Variants in MTBP observed in about 807,000 individuals in gnomAD.
The protein encoded by MTBP is MDM2 binding protein, also known as mdm2-binding protein.
A neutral mutation model predicts 117.0 loss-of-function variants in MTBP; 101 were observed. The ratio of observed to expected loss-of-function variants is 0.86; its 90% CI spans 0.73 to 1.02. MTBP has a LOEUF of 1.02. Among genes scored for constraint, MTBP ranks in the 50% least tolerant of loss-of-function variants. MTBP has a pLI of 0.00. For synonymous variants in MTBP, 350 were observed against 351.5 expected (o/e 1.00, Z 0.05); for missense variants, 970 against 1,030.9 (o/e 0.94, Z 0.81).
At chr8:120,509,891 A>G (rs1814764844) in intron 16 of MTBP, 43 bp from the exon 17 acceptor site, 2 of 1,336,266 alleles carry the variant, frequency 1.5e-6, no homozygotes, top group Non-Finnish European at 2.1e-6. Context: ...TCTTTTTGTC[A>G]GTAAATAAAC....
chr8:120,446,429 T>C lies in MTBP; in HGVS notation c.119-4T>C, dbSNP rs1280113939. 6.3e-7 allele frequency: 1 copy of C among 1,595,196 alleles called. No individual in the cohort carries two copies. Among genetic ancestry groups the C allele is most frequent in the South Asian group, 1.1e-5 (1 of 90,688 alleles). On this transcript the variant is annotated splice_polypyrimidine_tract_variant and splice_region_variant and intron_variant, in intron 1 of 21. Coordinates refer to ENST00000305949, the MANE Select transcript of MTBP (RefSeq NM_022045.5). ...TTTGAGTTAGTCTATCTTTTCTTTT[T>C]CAGACTTCACAGCAGCAAATGTTTA...
chr8:120,519,580 C>G (rs923005022), intron 20 of MTBP, among the ~76,000 whole-genome samples: 2 of 152,046 alleles, frequency 1.3e-5, no homozygotes, highest in Non-Finnish European at 2.9e-5. Context: ...GCAGATCTAT[C>G]ACATATCCAA....
Position 120,453,909 on chromosome 8 carries a change from ATAT to A in MTBP, c.484+6_484+8del. 6.5e-7 allele frequency: 1 copy of A among 1,541,014 alleles called. No homozygotes were observed. The highest frequency in any genetic ancestry group is 8.9e-7 in the Non-Finnish European group (1 of 1,128,330). On this transcript the variant is annotated splice_donor_5th_base_variant and intron_variant, in intron 5 of 21. Coordinates refer to ENST00000305949, the MANE Select transcript of MTBP (RefSeq NM_022045.5). ...TCAGACAAGCTTCCTGCTCCTGGTAATATTTTATGACTGCTTTCAATAATTTGT... is the reference window on the plus strand; with the variant it reads ...TCAGACAAGCTTCCTGCTCCTGGTAATTTATGACTGCTTTCAATAATTTGT...
chr8:120,463,923 T>C (rs1813634276), intron 10 of MTBP, among the ~76,000 whole-genome samples, 162 bp downstream of exon 10: 1 of 152,142 alleles, frequency 6.6e-6, no homozygotes, highest in African/African-American at 2.4e-5. Context: ...ATTAAGATAC[T>C]TTGGACTTTT....
chr8:120,457,173 C>T (rs1813486807), intron 7 of MTBP, among the ~76,000 whole-genome samples: 1 of 152,088 alleles, frequency 6.6e-6, no homozygotes, highest in Non-Finnish European at 1.5e-5. Flanking sequence ...TACTGGACCC[C>T]AGATTTCTCA....
chr8:120,509,613 C>A (rs753383489), intron 16 of MTBP, among the ~76,000 whole-genome samples: 2 of 151,732 alleles, frequency 1.3e-5, no homozygotes, highest in Admixed American at 6.6e-5. Context: ...ACCGCCCCCC[C>A]AAAAAAAGAA....
At chr8:120,499,353 C>G (rs1037383045) in intron 14 of MTBP, among the ~76,000 whole-genome samples, 2 of 152,040 alleles carry the variant, frequency 1.3e-5, no homozygotes, top group Non-Finnish European at 2.9e-5. Context: ...CAGACCTTCC[C>G]CAGTTTCAGT....
intron 17 of MTBP, among the ~76,000 whole-genome samples, chr8:120,512,395 TTTTAA>T (rs1367259585): frequency 3.3e-5 from 5 of 152,144 alleles, no homozygotes; most frequent in African/African-American, 1.2e-4. Flanking sequence ...TCTCCCAAAA[TTTTAA>T]TTTAGTTTTG....
At chr8:120,508,475 G>A (rs974152028) in intron 16 of MTBP, among the ~76,000 whole-genome samples, 12 of 152,012 alleles carry the variant, frequency 7.9e-5, no homozygotes, top group Admixed American at 4.6e-4. Context: ...GAAATACTGG[G>A]GTCATTGTAA....
chr8:120,491,127 T>C (rs1814337473), intron 13 of MTBP, among the ~76,000 whole-genome samples: 1 of 152,172 alleles, frequency 6.6e-6, no homozygotes, highest in South Asian at 2.1e-4. Flanking sequence ...CTATCAGTCT[T>C]ATTTTTTAAT....
At chr8:120,486,754 G>A (rs4644305) in intron 11 of MTBP, among the ~76,000 whole-genome samples, 81,045 of 151,920 alleles carry the variant, frequency 0.53, 24,707 homozygotes, top group Non-Finnish European at 0.67. Flanking sequence ...AGCAGGCTGC[G>A]GCTGAAGTGC....
intron 14 of MTBP, among the ~76,000 whole-genome samples, chr8:120,502,074 ATG>A (rs1413684778): frequency 6.6e-6 from 1 of 152,170 alleles, no homozygotes; most frequent in Non-Finnish European, 1.5e-5. Flanking sequence ...TTTTTAAACA[ATG>A]TAATTTTTTG....
rs191932888 is a variant in MTBP, at chr8:120,484,127, T to A, written c.1166-4032T>A. Among the ~76,000 whole-genome samples, 535 of 152,200 alleles carry A rather than the reference T, an allele frequency of 3.5e-3. 1 individual carries two copies. Among genetic ancestry groups the A allele is most frequent in the Non-Finnish European group, 5.9e-3 (398 of 67,978 alleles). ...TAAAATGCAAATAAAGGTGATGAGA[T>A]TTAAAATAAATGTGGAAAGAATGTC... is the stretch of plus-strand genomic sequence containing the variant. On this transcript the variant is annotated intron_variant, in intron 11 of 21. Transcript: ENST00000305949.
At chr8:120,468,794 G>A (rs574485360) in intron 10 of MTBP, among the ~76,000 whole-genome samples, 1 of 152,206 alleles carries the variant, frequency 6.6e-6, no homozygotes, top group South Asian at 2.1e-4. Context: ...GATCAGAATG[G>A]CAGCAGACCA....
intron 20 of MTBP, 59 bp downstream of exon 20, chr8:120,518,876 A>G: frequency 8.3e-7 from 1 of 1,208,506 alleles, no homozygotes; most frequent in Non-Finnish European, 1.2e-6. Flanking sequence ...TTCCTGTTTG[A>G]CATAAAAAAA....
intron 13 of MTBP, among the ~76,000 whole-genome samples, chr8:120,495,722 C>T (rs987250873): frequency 2.6e-4 from 39 of 151,864 alleles, no homozygotes; most frequent in East Asian, 5.8e-4. Context: ...TTTGATGTTT[C>T]GTGTGCTTAA....
rs1386084951 is a variant in MTBP, at chr8:120,522,717, C to A, written c.2674C>A (p.Gln892Lys). ...GAAAACAGCAAACAACAATGCTGTA[C>A]AGGTAAAGAAATTATTCCCAAGAAA... is the stretch of plus-strand genomic sequence containing the variant. The part of the protein sequence containing the change: ...MKKTANNNAV[Q>K]VIDWVLEKTS... Residue 892 changes from glutamine (Q) to lysine (K), a missense_variant and splice_region_variant, in exon 21 of 22, where the codon CAG becomes AAG. Transcript: ENST00000305949. 6.3e-7 allele frequency: 1 copy of A among 1,593,690 alleles called. No individual in the cohort carries two copies. Among genetic ancestry groups the A allele is most frequent in the Non-Finnish European group, 8.5e-7 (1 of 1,169,770 alleles).
chr8:120,505,791 G>A (rs574270576), intron 15 of MTBP, among the ~76,000 whole-genome samples: 1 of 152,246 alleles, frequency 6.6e-6, no homozygotes, highest in East Asian at 1.9e-4. Context: ...ACATCTAACT[G>A]AAACTACAGT....
At chr8:120,457,511 G>A (rs1813493875) in intron 7 of MTBP, among the ~76,000 whole-genome samples, 1 of 152,040 alleles carries the variant, frequency 6.6e-6, no homozygotes, top group African/African-American at 2.4e-5. Flanking sequence ...TCTCTGATTA[G>A]ACAACAGGAA....
Sources: gnomAD v4.1 joint callset for allele counts (sites outside exome capture counted in the v4.1 genomes callset) on GRCh38, gnomAD v4.1.1 for gene constraint, MANE v1.5 for transcripts, NCBI Gene and HGNC (gene_info 2026-07-23, HGNC 2026-07-21) for gene names.